Variants in CAPN7 observed in about 807,000 individuals in gnomAD.
CAPN7 encodes the protein calpain-7.
A neutral mutation model predicts 115.2 loss-of-function variants in CAPN7; 72 were observed. The observed-to-expected ratio is 0.63, with a 90% CI of 0.52 to 0.76. The LOEUF (loss-of-function observed/expected upper bound fraction) is 0.76. Ranked by LOEUF, CAPN7 falls within the 30% of genes least tolerant of loss-of-function variation. CAPN7 has a pLI of 0.00. For missense variants in CAPN7, 905 were observed against 971.5 expected, an observed-to-expected ratio of 0.93 and a Z score of 0.91; for synonymous variants, 344 against 322.3, an observed-to-expected ratio of 1.07 and a Z score of -0.72.
chr3:15,218,236 A>G (rs540631113), intron 3 of CAPN7, among the ~76,000 whole-genome samples: 2 of 152,322 alleles, frequency 1.3e-5, no homozygotes, highest in South Asian at 2.1e-4. Context: ...ACTATGGTCA[A>G]ACAGTTCTGG....
chr3:15,206,367 T>G lies in CAPN7; in HGVS notation c.-129T>G, dbSNP rs867098682. ...CGGGAAGGCGAGCTCTCCTCCACCG[T>G]CCAAAGTAAACTTTGCCGCTCCTTC... On this transcript the variant is annotated 5_prime_UTR_variant, in exon 1 of 21. Transcript: ENST00000253693. 4.1e-5 allele frequency: 27 copies of G among 664,382 alleles called. No individual in the cohort carries two copies. The highest frequency in any genetic ancestry group is 6.1e-5 in the Non-Finnish European group (24 of 390,376). 41.2% of individuals were successfully genotyped at this position (664,382 alleles called of 1,614,324 possible).
chr3:15,245,286 A>T (rs2125007959), intron 16 of CAPN7, among the ~76,000 whole-genome samples: 1 of 152,266 alleles, frequency 6.6e-6, no homozygotes, highest in Non-Finnish European at 1.5e-5. Context: ...AATGCAACAC[A>T]GAGCAAATAG....
intron 8 of CAPN7, 59 bp from the exon 9 acceptor site, chr3:15,230,383 A>T: frequency 1.8e-6 from 2 of 1,084,424 alleles, no homozygotes; most frequent in Non-Finnish European, 2.9e-6. Flanking sequence ...AATGTGCTGT[A>T]TAGTAGTTGA....
intron 17 of CAPN7, 190 bp from the exon 18 acceptor site, chr3:15,246,542 C>G: frequency 1.8e-6 from 1 of 565,830 alleles, no homozygotes; most frequent in South Asian, 2.2e-5. Context: ...CATACAGTTA[C>G]TAGCAGAGAA....
In CAPN7 at chr3:15,228,298, AT is replaced by A. The variant is rs1196888643; in HGVS notation, c.852+340del. The stretch of plus-strand genomic sequence containing the variant: ...TTATTTGAGTAATTATTCAAAATCA[AT>A]TTTTTTGAAATACATTATTTAATTT... On this transcript the variant is annotated intron_variant, in intron 7 of 20. Coordinates refer to ENST00000253693, the MANE Select transcript of CAPN7 (RefSeq NM_014296.3). Among the ~76,000 whole-genome samples the A allele has an allele frequency of 8.5e-5, 13 of 152,304 alleles. No homozygotes were observed. In the South Asian group the frequency reaches 2.3e-3, roughly 27 times the overall value.
At chr3:15,214,267 A>G (rs975171564) in intron 2 of CAPN7, among the ~76,000 whole-genome samples, 6 of 152,178 alleles carry the variant, frequency 3.9e-5, no homozygotes, top group African/African-American at 1.4e-4. Flanking sequence ...TCTCTAGACA[A>G]TTTAAAGGAT....
chr3:15,236,663 AC>A (rs1308868920), intron 12 of CAPN7, among the ~76,000 whole-genome samples: 1 of 152,194 alleles, frequency 6.6e-6, no homozygotes, highest in Non-Finnish European at 1.5e-5. Flanking sequence ...CCTACTATAC[AC>A]CCAAGCTCTG....
chr3:15,230,559 C>T (rs1453908836), intron 9 of CAPN7, 24 bp downstream of exon 9: 3 of 1,360,214 alleles, frequency 2.2e-6, no homozygotes, highest in Middle Eastern at 1.8e-4. Context: ...CTCCCCACTC[C>T]CATCCCTTGT....
rs760028574 is a variant in CAPN7 at position 15,233,967 on chromosome 3, A to G, written c.1280A>G (p.Tyr427Cys). ...AAGGATAATTCTTTCAGAATGCTTT[A>G]TCAAAGGTAAACATTTTTCTTTGTT... ...FSKDNSFRML[Y>C]QRFHKGDVLI... The change falls in exon 11 of 21, where the codon TAT becomes TGT. Residue 427 changes from tyrosine (Y) to cysteine (C), a missense_variant. Transcript: ENST00000253693. The G allele has an allele frequency of 6.6e-7, 1 of 1,519,090 alleles. No individual in the cohort carries two copies. The highest frequency in any genetic ancestry group is 1.1e-5 in the South Asian group (1 of 87,504). The allele number at this position is 1,519,090 out of a possible 1,614,324, so 94.1% of individuals were successfully genotyped here.
Position 15,245,662 on chromosome 3 carries a change from C to T in CAPN7, c.2001C>T (p.Tyr667=). The change falls in exon 17 of 21, where the codon TAC becomes TAT. Residue 667 remains tyrosine (Y), a synonymous_variant. Coordinates refer to ENST00000253693, the MANE Select transcript of CAPN7 (RefSeq NM_014296.3). ...SQYEKQNTIH[Y]TVRVYSACSF... ...ATGAAAAACAGAACACAATCCATTA[C>T]ACGGTTCGGGTAAGTAAAACCAACA... 6.2e-7 allele frequency: 1 copy of T among 1,613,254 alleles called. No individual in the cohort carries two copies. The highest frequency in any genetic ancestry group is 8.5e-7 in the Non-Finnish European group (1 of 1,179,634).
intron 18 of CAPN7, among the ~76,000 whole-genome samples, chr3:15,247,045 T>C (rs1331302844): frequency 6.6e-6 from 1 of 152,186 alleles, no homozygotes; most frequent in African/African-American, 2.4e-5. Flanking sequence ...ACCTTAAAAG[T>C]AGCATTTGAG....
At chr3:15,244,760 G>T (rs769571687) in intron 16 of CAPN7, among the ~76,000 whole-genome samples, 14 of 152,010 alleles carry the variant, frequency 9.2e-5, no homozygotes, top group Non-Finnish European at 1.9e-4. Flanking sequence ...ACAAAATATT[G>T]AAAATAATCT....
chr3:15,211,313 A>G (rs1487859209), intron 1 of CAPN7, among the ~76,000 whole-genome samples: 1 of 152,200 alleles, frequency 6.6e-6, no homozygotes, highest in Non-Finnish European at 1.5e-5. Flanking sequence ...ATCAGTTCAC[A>G]TTTTCAAGGT....
At chr3:15,231,265 C>T (rs1483685687) in intron 9 of CAPN7, among the ~76,000 whole-genome samples, 1 of 152,136 alleles carries the variant, frequency 6.6e-6, no homozygotes, top group Non-Finnish European at 1.5e-5. Flanking sequence ...GTTTCTGGAC[C>T]TCACGCCCAG....
chr3:15,220,707 G>A, intron 4 of CAPN7, 74 bp from the exon 5 acceptor site: 2 of 1,362,396 alleles, frequency 1.5e-6, no homozygotes, highest in Non-Finnish European at 2.1e-6. Flanking sequence ...GGTTCTTCAA[G>A]TAAATTTTGT....
intron 16 of CAPN7, among the ~76,000 whole-genome samples, chr3:15,245,234 G>C (rs552058791): frequency 6.6e-6 from 1 of 150,448 alleles, no homozygotes; most frequent in Non-Finnish European, 1.5e-5. Context: ...GATCCTCTAC[G>C]GGAGAAAAAT....
At chr3:15,222,823 G>C (rs755670761) in intron 5 of CAPN7, among the ~76,000 whole-genome samples, 33 of 152,082 alleles carry the variant, frequency 2.2e-4, no homozygotes, top group Non-Finnish European at 3.8e-4. Flanking sequence ...ATCTATTCCT[G>C]ACTATATTAA....
intron 15 of CAPN7, 28 bp downstream of exon 15, chr3:15,241,616 A>G (rs957102098): frequency 6.3e-6 from 10 of 1,594,458 alleles, no homozygotes; most frequent in East Asian, 2.2e-5. Flanking sequence ...ATGATATCCC[A>G]TACAGAAATT....
chr3:15,236,061 C>T (rs7627348), intron 12 of CAPN7, among the ~76,000 whole-genome samples: 7,447 of 152,174 alleles, frequency 0.049, 628 homozygotes, highest in African/African-American at 0.17. Context: ...ATTCCAGCTA[C>T]TCAAGAGGCT....
Sources: gnomAD v4.1 joint callset for allele counts (sites outside exome capture counted in the v4.1 genomes callset) on GRCh38, gnomAD v4.1.1 for gene constraint, MANE v1.5 for transcripts, NCBI Gene and HGNC (gene_info 2026-07-23, HGNC 2026-07-21) for gene names.